Variants in UCP3 observed in about 807,000 individuals in gnomAD.
The protein encoded by UCP3 is uncoupling protein 3.
In UCP3, 24 loss-of-function variants were observed where a neutral mutation model predicts 28.1. That is an observed-to-expected ratio of 0.85 (90% CI 0.62 to 1.20). The LOEUF (loss-of-function observed/expected upper bound fraction) is 1.20. Ranked by LOEUF, UCP3 falls within the 50% of genes most tolerant of loss-of-function variation. UCP3 has a pLI of 0.00. For missense variants in UCP3, 397 were observed against 422.2 expected, an observed-to-expected ratio of 0.94 and a Z score of 0.52; for synonymous variants, 184 against 171.2, an observed-to-expected ratio of 1.07 and a Z score of -0.59.
chr11:74,003,500 G>C, intron 6 of UCP3: 1 of 1,043,944 alleles, frequency 9.6e-7, no homozygotes, highest in African/African-American at 1.7e-5. Context: ...GAGACAGTGA[G>C]GAAGGCACTG....
chr11:74,003,741 C>A, intron 6 of UCP3, 86 bp downstream of exon 6: 1 of 1,512,122 alleles, frequency 6.6e-7, no homozygotes. Context: ...ACCGCTACAT[C>A]CCAGGTTGAC....
chr11:74,005,964 C>T lies in UCP3; in HGVS notation c.338-31G>A, dbSNP rs1432206119. The T allele has an allele frequency of 5.6e-6, 9 of 1,611,960 alleles. No homozygotes were observed. In the Admixed American group the frequency reaches 6.7e-5, roughly 12 times the overall value. On this transcript the variant is annotated intron_variant, in intron 3 of 6. Coordinates refer to ENST00000314032, the MANE Select transcript of UCP3 (RefSeq NM_003356.4). ...AGGGGCAGAGAGAGTGGGCCAGTGT[C>T]CCCTACTAAGCAGCATTCTGGGACA...
chr11:74,007,370 T>C, intron 1 of UCP3: 1 of 353,918 alleles, frequency 2.8e-6, no homozygotes, highest in Non-Finnish European at 5.5e-6. Flanking sequence ...CTGATAGTGG[T>C]ACCTGCACTG....
chr11:74,001,635 C>A (rs550813773), intron 6 of UCP3, 109 bp from the exon 7 acceptor site: 33 of 907,136 alleles, frequency 3.6e-5, no homozygotes, highest in Non-Finnish European at 7.1e-6. Context: ...GACTTCTGTT[C>A]ATCACAAGCA....
intron 6 of UCP3, chr11:74,002,830 C>G (rs1394344703): frequency 4.1e-6 from 4 of 985,340 alleles, no homozygotes; most frequent in Non-Finnish European, 3.6e-6. Flanking sequence ...CTCTTGTTCA[C>G]TTGTTGGGTC....
At chr11:74,003,382 A>G (rs1403835598) in intron 6 of UCP3, 1 of 858,798 alleles carries the variant, frequency 1.2e-6, no homozygotes, top group Non-Finnish European at 1.4e-6. Flanking sequence ...GTTAGGGAGG[A>G]GGTGGCATTT....
At chr11:74,006,650 GTTA>G (rs1412232237) in intron 2 of UCP3, among the ~76,000 whole-genome samples, 1 of 152,258 alleles carries the variant, frequency 6.6e-6, no homozygotes, top group Non-Finnish European at 1.5e-5. Context: ...AGGTCACACA[GTTA>G]ATTCCTTACT....
At chr11:74,004,766 T>C (rs1215769550) in intron 4 of UCP3, among the ~76,000 whole-genome samples, 181 bp from the exon 5 acceptor site, 1 of 152,184 alleles carries the variant, frequency 6.6e-6, no homozygotes, top group Non-Finnish European at 1.5e-5. Flanking sequence ...TTTTCCTTTC[T>C]AGGGTTAACA....
chr11:74,003,517 G>A (rs1565125), intron 6 of UCP3: 259,019 of 1,079,858 alleles, frequency 0.24, 31,670 homozygotes, highest in East Asian at 0.28. Flanking sequence ...ACTGGCCATG[G>A]TCAGTGTGGT....
chr11:74,005,633 C>T, intron 4 of UCP3, 97 bp downstream of exon 4: 1 of 1,356,690 alleles, frequency 7.4e-7, no homozygotes, highest in Non-Finnish European at 1.0e-6. Flanking sequence ...CTGGAACACG[C>T]CATGCTGGGA....
At chr11:74,005,030 G>A (rs138349065) in intron 4 of UCP3, among the ~76,000 whole-genome samples, 347 of 152,354 alleles carry the variant, frequency 2.3e-3, no homozygotes, top group African/African-American at 7.7e-3. Context: ...AAGGGGACAA[G>A]CTCTGAAGGG....
rs2135384273 is a variant in UCP3, at chr11:74,000,302, GGT to G, written c.*1108_*1109del. The G allele has an allele frequency of 6.5e-6, 1 of 152,700 alleles. No homozygotes were observed. The highest frequency in any genetic ancestry group is 2.1e-4 in the South Asian group (1 of 4,828). The allele number at this position is 152,700 out of a possible 1,614,324, so 9.5% of individuals were successfully genotyped here. A position where few individuals can be genotyped will look rare whatever the true frequency, so the allele number is the denominator to read the frequency against. On this transcript the variant is annotated 3_prime_UTR_variant, in exon 7 of 7. Transcript: ENST00000314032. ...TGGCTGTTCTTACTCCCACACCTAA[GGT>G]GTGAATTCTTTTATTGAGTCATAAT...
chr11:74,007,383 T>C (rs1289101436), intron 1 of UCP3: 3 of 265,882 alleles, frequency 1.1e-5, no homozygotes, highest in African/African-American at 4.4e-5. Context: ...CTGCACTGTA[T>C]ACATGAGGAA....
In UCP3 at chr11:74,006,331, G is replaced by A. The variant is rs377428955; in HGVS notation, c.175C>T (p.Arg59Cys). Residue 59 changes from arginine (R) to cysteine (C), a missense_variant, in exon 3 of 7, where the codon CGT becomes TGT. Coordinates refer to ENST00000314032, the MANE Select transcript of UCP3 (RefSeq NM_003356.4). Reference protein sequence around the residue: ...AVQTARLVQYRGVLGTILTMV... With the variant: ...AVQTARLVQYCGVLGTILTMV... ...GTCAGGATGGTGCCCAGCACGCCAC[G>A]GTACTGCACGAGCCGGGCCGTCTGG... 87 of 1,598,616 alleles carry A rather than the reference G, an allele frequency of 5.4e-5. No homozygotes were observed. The highest frequency in any genetic ancestry group is 6.3e-5 in the Non-Finnish European group (74 of 1,173,646).
chr11:74,004,907 C>T (rs1951650103), intron 4 of UCP3, among the ~76,000 whole-genome samples: 1 of 152,234 alleles, frequency 6.6e-6, no homozygotes, highest in Non-Finnish European at 1.5e-5. Context: ...GACCCAGCTG[C>T]AGCCAGAAAA....
intron 2 of UCP3, among the ~76,000 whole-genome samples, 188 bp downstream of exon 2, chr11:74,006,729 A>G (rs1317675739): frequency 1.3e-5 from 2 of 152,238 alleles, no homozygotes; most frequent in Non-Finnish European, 2.9e-5. Context: ...CACATCATGC[A>G]AAGAATTTAG....
At chr11:74,004,711 AT>A (rs1276100907) in intron 4 of UCP3, 126 bp from the exon 5 acceptor site, 1 of 828,034 alleles carries the variant, frequency 1.2e-6, no homozygotes, top group Non-Finnish European at 1.9e-6. Context: ...CCCCATTCCA[AT>A]GGTCTCAGCC....
intron 6 of UCP3, chr11:74,002,664 C>A: frequency 4.9e-6 from 4 of 824,312 alleles, no homozygotes; most frequent in Non-Finnish European, 5.9e-6. Flanking sequence ...CTGGCACCTA[C>A]AAGATGCTCC....
intron 4 of UCP3, among the ~76,000 whole-genome samples, chr11:74,005,286 T>C (rs891699565): frequency 6.6e-6 from 1 of 152,146 alleles, no homozygotes; most frequent in Non-Finnish European, 1.5e-5. Context: ...TGCTCCTCTT[T>C]TTCCTCCGGA....
Sources: gnomAD v4.1 joint callset for allele counts (sites outside exome capture counted in the v4.1 genomes callset) on GRCh38, gnomAD v4.1.1 for gene constraint, MANE v1.5 for transcripts, NCBI Gene and HGNC (gene_info 2026-07-23, HGNC 2026-07-21) for gene names.